MTUS2: variants seen among roughly 807,000 people sequenced by gnomAD.
MTUS2 encodes microtubule associated scaffold protein 2, also known as microtubule-associated tumor suppressor candidate 2.
Under a neutral mutation model 114.1 loss-of-function variants are expected in MTUS2, and 40 were observed. The observed-to-expected ratio is 0.35, with a 90% confidence interval of 0.27 to 0.46. The LOEUF (loss-of-function observed/expected upper bound fraction) is 0.46. MTUS2 is among the 20% of genes least tolerant of loss of function. MTUS2 has a pLI of 1.00. For missense variants in MTUS2, 1,679 were observed against 1,705.4 expected (o/e 0.98, Z 0.27); for synonymous variants, 688 against 672.0 (o/e 1.02, Z -0.37).
intron 2 of MTUS2, among the ~76,000 whole-genome samples, chr13:28,870,740 G>A (rs1877569374): frequency 6.6e-6 from 1 of 152,122 alleles, no homozygotes; most frequent in African/African-American, 2.4e-5. Flanking sequence ...TTTAAGTATG[G>A]GAGACCAGTA....
intron 5 of MTUS2, among the ~76,000 whole-genome samples, chr13:29,217,081 T>G (rs140816161): frequency 6.6e-6 from 1 of 152,226 alleles, no homozygotes; most frequent in Non-Finnish European, 1.5e-5. Flanking sequence ...TACCCTTTAG[T>G]TGAATTTTTC....
chr13:28,835,092 T>A (rs1487688526), intron 1 of MTUS2, among the ~76,000 whole-genome samples: 1 of 152,220 alleles, frequency 6.6e-6, no homozygotes, highest in East Asian at 1.9e-4. Flanking sequence ...ACAGCCATTT[T>A]GGGAAACAGT....
chr13:29,418,795 C>T (rs904014673), intron 8 of MTUS2, among the ~76,000 whole-genome samples: 10 of 152,186 alleles, frequency 6.6e-5, no homozygotes, highest in African/African-American at 1.7e-4. Context: ...GAAATGTCCG[C>T]GTTCTAGACC....
chr13:29,499,041 A>G (rs1310912757), intron 14 of MTUS2, among the ~76,000 whole-genome samples: 1 of 152,078 alleles, frequency 6.6e-6, no homozygotes, highest in Non-Finnish European at 1.5e-5. Context: ...CCCTTTTTAT[A>G]AGGCTATTAA....
At chr13:29,348,860 G>C (rs182625826) in intron 7 of MTUS2, among the ~76,000 whole-genome samples, 58 of 152,162 alleles carry the variant, frequency 3.8e-4, no homozygotes, top group African/African-American at 1.2e-3. Context: ...ATTGTTAATA[G>C]AGCCACTTCA....
intron 2 of MTUS2, among the ~76,000 whole-genome samples, chr13:28,944,293 C>T (rs1882400738): frequency 6.6e-6 from 1 of 152,112 alleles, no homozygotes; most frequent in Non-Finnish European, 1.5e-5. Flanking sequence ...AGTCACTTGA[C>T]TGATCTATCG....
chr13:29,273,916 C>T (rs116046648), intron 5 of MTUS2, among the ~76,000 whole-genome samples: 453 of 152,216 alleles, frequency 3.0e-3, no homozygotes, highest in African/African-American at 0.01. Context: ...TGTATTCATT[C>T]ATCAGTCGAT....
rs369765428 is a variant in MTUS2 at position 29,492,113 on chromosome 13, GGTGT to G, written c.3506-524_3506-521del. Among the ~76,000 whole-genome samples, 94 of 140,678 alleles carry G rather than the reference GGTGT, an allele frequency of 6.7e-4. 1 individual carries two copies. Among genetic ancestry groups the G allele is most frequent in the East Asian group, 2.6e-3 (12 of 4,644 alleles). The allele number at this position is 140,678 out of a possible 152,430, so 92.3% of individuals were successfully genotyped here. A position where few individuals can be genotyped will look rare whatever the true frequency, so the allele number is the denominator to read the frequency against. ...ATGCGTGGTAGGTGTGTATGTGTGT[GGTGT>G]GTGTGTGTATGTGATGTGTGTGGTA... is the stretch of plus-strand genomic sequence containing the variant. On this transcript the variant is annotated intron_variant, in intron 11 of 15. Transcript: ENST00000612955.
At chr13:29,340,875 C>T (rs904678975) in intron 7 of MTUS2, among the ~76,000 whole-genome samples, 2 of 152,226 alleles carry the variant, frequency 1.3e-5, no homozygotes, top group Non-Finnish European at 2.9e-5. Flanking sequence ...GCTTAGCTCC[C>T]ACTTATGAGT....
intron 8 of MTUS2, among the ~76,000 whole-genome samples, chr13:29,383,584 T>C (rs990891911): frequency 6.6e-6 from 1 of 150,448 alleles, no homozygotes; most frequent in Non-Finnish European, 1.5e-5. Flanking sequence ...TAGGGAAGAT[T>C]TCTCATCCTG....
intron 2 of MTUS2, among the ~76,000 whole-genome samples, chr13:29,007,367 C>T (rs1310551497): frequency 6.6e-6 from 1 of 152,120 alleles, no homozygotes; most frequent in Non-Finnish European, 1.5e-5. Context: ...ACTGATTCTT[C>T]TGATACCCAG....
intron 2 of MTUS2, among the ~76,000 whole-genome samples, chr13:28,869,744 C>T (rs1338160986): frequency 6.6e-6 from 1 of 152,144 alleles, no homozygotes; most frequent in East Asian, 1.9e-4. Flanking sequence ...GCACACCAGC[C>T]TGGTGACAGA....
chr13:29,348,478 C>T (rs984773886), intron 7 of MTUS2, among the ~76,000 whole-genome samples: 5 of 152,174 alleles, frequency 3.3e-5, no homozygotes, highest in African/African-American at 1.2e-4. Context: ...TTAAGACTCA[C>T]AGCAAAGTCT....
chr13:28,834,576 G>A (rs1370789398), intron 1 of MTUS2, among the ~76,000 whole-genome samples: 1 of 152,002 alleles, frequency 6.6e-6, no homozygotes, highest in Admixed American at 6.5e-5. Flanking sequence ...AAAACAATAA[G>A]TCTCAGGAAA....
intron 2 of MTUS2, among the ~76,000 whole-genome samples, chr13:29,004,122 A>C (rs2138394261): frequency 6.6e-6 from 1 of 152,328 alleles, no homozygotes; most frequent in African/African-American, 2.4e-5. Context: ...AGCCCGAAAC[A>C]ATGACAAATA....
rs541714919 is a variant in MTUS2 at position 29,505,899 on chromosome 13, A to G, written c.*2693A>G. 1 of 223,404 alleles carries G rather than the reference A, an allele frequency of 4.5e-6. No homozygotes were observed. Among genetic ancestry groups the G allele is most frequent in the East Asian group, 6.4e-5 (1 of 15,538 alleles). 13.8% of individuals were successfully genotyped at this position (223,404 alleles called of 1,614,324 possible). A position where few individuals can be genotyped will look rare whatever the true frequency, so the allele number is the denominator to read the frequency against. On this transcript the variant is annotated 3_prime_UTR_variant, in exon 16 of 16. Transcript: ENST00000612955. ...TTCCTGCCCCTACAGTTTGTGTTGC[A>G]TATTTGTGTTTAAAGCCTATTAAAA...
At position 29,024,975 on chromosome 13, in the gene MTUS2, G is replaced by C; in HGVS notation, c.277G>C (p.Ala93Pro). Residue 93 changes from alanine (A) to proline (P), a missense_variant, in exon 3 of 16, where the codon GCC becomes CCC. By Grantham distance (27) the Ala-to-Pro change is conservative. Around this residue, in one of 3 missense-constraint regions of MTUS2, gnomAD observed 843 missense variants for 770.8 expected, o/e 1.09. Coordinates refer to ENST00000612955, the MANE Select transcript of MTUS2 (RefSeq NM_001033602.4). ...GFGKGSQAGS[A>P]SLKDFRLSST... Reference sequence around the variant, plus strand: ...TGGGAAAGGCTCTCAGGCTGGCTCTGCCAGCCTGAAAGATTTTAGACTTTC... The same window carrying C: ...TGGGAAAGGCTCTCAGGCTGGCTCTCCCAGCCTGAAAGATTTTAGACTTTC... The C allele has an allele frequency of 6.2e-7, 1 of 1,613,218 alleles. No homozygotes were observed. The highest frequency in any genetic ancestry group is 8.5e-7 in the Non-Finnish European group (1 of 1,179,708).
intron 5 of MTUS2, among the ~76,000 whole-genome samples, chr13:29,195,594 C>A (rs942293498): frequency 6.7e-6 from 1 of 149,354 alleles, no homozygotes; most frequent in African/African-American, 2.5e-5. Context: ...ACAGTCCTTC[C>A]GGCTCATGTT....
intron 2 of MTUS2, among the ~76,000 whole-genome samples, chr13:28,936,705 G>T (rs1190865475): frequency 1.3e-5 from 2 of 152,276 alleles, no homozygotes; most frequent in Non-Finnish European, 2.9e-5. Flanking sequence ...AGGCATTTCC[G>T]GTGTCCCCTG....
Sources: allele counts gnomAD v4.1 joint callset (sites outside exome capture counted in the v4.1 genomes callset), GRCh38; gene constraint gnomAD v4.1.1; regional missense constraint gnomAD v4.1.1; transcripts MANE v1.5; gene names NCBI Gene and HGNC (gene_info 2026-07-23, HGNC 2026-07-21).